The following RGS12 variants were observed in gnomAD, a reference collection of about 807,000 sequenced individuals.
The protein encoded by RGS12 is regulator of G-protein signaling 12.
In RGS12, 66 loss-of-function variants were observed where a neutral mutation model predicts 120.1. That is an observed-to-expected ratio of 0.55 (90% confidence interval 0.45 to 0.67). The LOEUF (loss-of-function observed/expected upper bound fraction) is 0.67, where lower values mean the gene tolerates loss of function less well. Among genes scored for constraint, RGS12 ranks in the 30% least tolerant of loss-of-function variants. The probability of loss-of-function intolerance (pLI) is 0.00; values close to 1 mark genes in which losing one functional copy is unlikely to be tolerated. For synonymous variants in RGS12, 827 were observed against 804.7 expected (o/e 1.03, Z -0.47); for missense variants, 1,859 against 1,957.7 (o/e 0.95, Z 0.95).
intron 2 of RGS12, among the ~76,000 whole-genome samples, chr4:3,327,826 T>A (rs1436508372): frequency 6.6e-6 from 1 of 152,214 alleles, no homozygotes; most frequent in African/African-American, 2.4e-5. Flanking sequence ...AAACAGTATG[T>A]AGATTTTTCA....
intron 2 of RGS12, among the ~76,000 whole-genome samples, chr4:3,336,921 G>T (rs7668005): frequency 6.6e-6 from 1 of 151,628 alleles, no homozygotes; most frequent in East Asian, 1.9e-4. Flanking sequence ...TGTGAATTCT[G>T]TGAAGTAGAA....
Position 3,416,991 on chromosome 4 carries a change from G to A in RGS12, c.2506G>A (p.Val836Met). 2 of 1,613,480 alleles carry A rather than the reference G, an allele frequency of 1.2e-6. No individual in the cohort carries two copies. The highest frequency in any genetic ancestry group is 2.2e-5 in the South Asian group (2 of 91,076). Residue 836 changes from valine (V) to methionine (M), a missense_variant, in exon 8 of 18, where the codon GTG (valine) becomes ATG (methionine). Val to Met is a conservative substitution (Grantham distance 21, BLOSUM62 1). Transcript: ENST00000336727. Reference sequence around the variant, plus strand: ...GTACCAGGAATGCATCCTGGCGGAAGTGGAGGGCCGTGCACTCCCGGACTC... The same window carrying A: ...GTACCAGGAATGCATCCTGGCGGAAATGGAGGGCCGTGCACTCCCGGACTC... ...PLYQECILAEVEGRALPDSQQ... is the reference protein window; with the variant it reads ...PLYQECILAEMEGRALPDSQQ...
intron 3 of RGS12, 115 bp downstream of exon 3, chr4:3,343,168 CTG>C: frequency 1.5e-6 from 1 of 686,860 alleles, no homozygotes; most frequent in Non-Finnish European, 2.6e-6. Context: ...CCCTCCTCCT[CTG>C]TAGTGGTAAC....
In RGS12 at chr4:3,389,768, C is replaced by T. The variant is rs1176145095; in HGVS notation, c.2020+3331C>T. On this transcript the variant is annotated intron_variant, in intron 4 of 17. Transcript: ENST00000336727. The surrounding 1 kb of genome is among the most constrained non-coding windows in gnomAD (Gnocchi z 5.2). ...CCAGCAGGAAAGCCGGGGAACTGTGCGGCTCTGGCTTTGGGGGACGGTGGC... is the reference window on the plus strand; with the variant it reads ...CCAGCAGGAAAGCCGGGGAACTGTGTGGCTCTGGCTTTGGGGGACGGTGGC... Among the ~76,000 whole-genome samples, 5 of 152,182 alleles carry T rather than the reference C, an allele frequency of 3.3e-5. No individual in the cohort carries two copies. Among genetic ancestry groups the T allele is most frequent in the East Asian group, 1.9e-4 (1 of 5,200 alleles).
At chr4:3,309,889 G>T (rs527532899) in intron 1 of RGS12, among the ~76,000 whole-genome samples, 47 of 124,988 alleles carry the variant, frequency 3.8e-4, no homozygotes, top group South Asian at 6.1e-4. Context: ...GCAGGTGTCC[G>T]CTGAGGGGAA....
At chr4:3,436,571 G>GC in intron 17 of RGS12, among the ~76,000 whole-genome samples, 1 of 152,306 alleles carries the variant, frequency 6.6e-6, no homozygotes, top group South Asian at 2.1e-4. Flanking sequence ...TTCAGGCCAT[G>GC]CCCCTGCCCC....
At chr4:3,340,228 C>T (rs1257023423) in intron 2 of RGS12, among the ~76,000 whole-genome samples, 2 of 152,188 alleles carry the variant, frequency 1.3e-5, no homozygotes, top group African/African-American at 2.4e-5. Flanking sequence ...TGCCAGGAGC[C>T]GGGCGCTGTG....
the RGS12 span, among the ~76,000 whole-genome samples, chr4:3,287,002 G>C: frequency 6.6e-6 from 1 of 152,190 alleles, no homozygotes; most frequent in Non-Finnish European, 1.5e-5. Context: ...ATGGGTGAAT[G>C]GGTTGGGGCC....
intron 2 of RGS12, among the ~76,000 whole-genome samples, chr4:3,336,568 C>T (rs1712489358): frequency 6.6e-6 from 1 of 152,206 alleles, no homozygotes; most frequent in African/African-American, 2.4e-5. Flanking sequence ...TTGGTATGCA[C>T]CAAGCACTGT....
At position 3,363,098 on chromosome 4, in the gene RGS12, TGTGA is replaced by T. The variant is rs761079045; in HGVS notation, c.1998+20049_1998+20052del. Among the ~76,000 whole-genome samples, 79 of 147,442 alleles carry T rather than the reference TGTGA, an allele frequency of 5.4e-4. 1 individual carries two copies. Among genetic ancestry groups the T allele is most frequent in the Admixed American group, 2.5e-3 (37 of 14,890 alleles). On this transcript the variant is annotated intron_variant, in intron 3 of 17. Coordinates refer to ENST00000336727, the MANE Select transcript of RGS12 (RefSeq NM_001394154.1). ...GTGCGCATGTGTGAAGGCGTGTGTA[TGTGA>T]GTGTGTGTGTGAGAGTGCGCATCAG...
rs763386003 is a variant in RGS12 at position 3,316,200 on chromosome 4, C to T, written c.30C>T (p.Arg10=). MFRAGEASK[R]PLPGPSPPRV... ...TTAGAGCTGGGGAGGCCTCCAAACG[C>T]CCATTGCCTGGGCCGTCGCCCCCAA... The change falls in exon 2 of 18, where the codon CGC becomes CGT. Residue 10 remains arginine (R), a synonymous_variant. Transcript: ENST00000336727. 1 of 1,587,672 alleles carries T rather than the reference C, an allele frequency of 6.3e-7. No individual in the cohort carries two copies. The highest frequency in any genetic ancestry group is 8.6e-7 in the Non-Finnish European group (1 of 1,165,404).
chr4:3,427,691 G>A (rs558640985), intron 14 of RGS12, among the ~76,000 whole-genome samples: 8 of 152,164 alleles, frequency 5.3e-5, no homozygotes, highest in East Asian at 3.9e-4. Flanking sequence ...AGCCGAGATC[G>A]TGCCACTGCA....
intron 3 of RGS12, among the ~76,000 whole-genome samples, chr4:3,346,341 A>C (rs1713788398): frequency 6.6e-6 from 1 of 152,190 alleles, no homozygotes; most frequent in Non-Finnish European, 1.5e-5. Flanking sequence ...TATTCTGCCG[A>C]GTCAAAAAGG....
upstream of RGS12, among the ~76,000 whole-genome samples, chr4:3,288,764 G>C (rs1392852685): frequency 6.6e-6 from 1 of 152,206 alleles, no homozygotes; most frequent in African/African-American, 2.4e-5. The surrounding 1 kb of genome is among the most constrained non-coding windows in gnomAD (Gnocchi z 5.2). Flanking sequence ...AAGGGACTCT[G>C]GGCCTTTGCA....
chr4:3,424,087 C>T (rs1283963104), intron 13 of RGS12, among the ~76,000 whole-genome samples: 1 of 152,236 alleles, frequency 6.6e-6, no homozygotes, highest in Non-Finnish European at 1.5e-5. Flanking sequence ...TGGAAGAACT[C>T]AGCTGGCATT....
chr4:3,317,638 C>G lies in RGS12; in HGVS notation c.1468C>G (p.His490Asp). The G allele has an allele frequency of 6.3e-7, 1 of 1,593,402 alleles. No homozygotes were observed. Among genetic ancestry groups the G allele is most frequent in the Non-Finnish European group, 8.6e-7 (1 of 1,167,580 alleles). ...PEGSPPFEAA[H>D]QTDRFWDLNK... ...AGGGAGCCCCCCATTTGAGGCCGCT[C>G]ATCAGACTGACAGGTTCTGGGACCT... is the stretch of plus-strand genomic sequence containing the variant. The change falls in exon 2 of 18, where the codon CAT becomes GAT. Residue 490 changes from histidine to aspartate, a missense_variant. His to Asp is a moderately conservative substitution (Grantham distance 81). This residue lies in a region of RGS12 where 967 missense variants were observed against 994.2 expected (regional missense o/e 0.97). Coordinates refer to ENST00000336727, the MANE Select transcript of RGS12 (RefSeq NM_001394154.1).
At chr4:3,337,156 C>T (rs968902322) in intron 2 of RGS12, among the ~76,000 whole-genome samples, 1 of 152,188 alleles carries the variant, frequency 6.6e-6, no homozygotes, top group Non-Finnish European at 1.5e-5. Context: ...TGAGTCAGCA[C>T]CTTACACTCC....
At position 3,328,260 on chromosome 4, in the gene RGS12, G is replaced by A. The variant is rs144092240; in HGVS notation, c.1881+10209G>A. Among the ~76,000 whole-genome samples, 62 of 152,334 alleles carry A rather than the reference G, an allele frequency of 4.1e-4. 1 individual carries two copies. Among genetic ancestry groups the A allele is most frequent in the Non-Finnish European group, 7.8e-4 (53 of 68,024 alleles). ...GGAAAGGTGAGGGGTGGGAGGAGGG[G>A]TGAGTGATGAGACACTTCTGAATGG... On this transcript the variant is annotated intron_variant, in intron 2 of 17. Transcript: ENST00000336727.
In RGS12 at chr4:3,422,541, G is replaced by T. The variant is rs780994392; in HGVS notation, c.3004G>T (p.Ala1002Ser). ...GCGGCATGGCATCAACGGGGCGGCC[G>T]CGGACCTCTTCCTGGTGGGCGGGGA... ...CERHGINGAA[A>S]DLFLVGGDKP... Residue 1002 changes from alanine (A) to serine (S), a missense_variant, in exon 11 of 18, where the codon GCG becomes TCG. Around this residue, in one of 3 missense-constraint regions of RGS12, gnomAD observed 375 missense variants for 475.0 expected, o/e 0.79. Transcript: ENST00000336727. The T allele has an allele frequency of 3.7e-6, 6 of 1,612,618 alleles. No individual in the cohort carries two copies. The highest frequency in any genetic ancestry group is 2.2e-5 in the East Asian group (1 of 44,874).
Sources: allele counts gnomAD v4.1 joint callset (sites outside exome capture counted in the v4.1 genomes callset), GRCh38; gene constraint gnomAD v4.1.1; regional missense constraint gnomAD v4.1.1; non-coding constraint Gnocchi (gnomAD v3.1); transcripts MANE v1.5; gene names NCBI Gene and HGNC (gene_info 2026-07-23, HGNC 2026-07-21).